Variants in KCTD18 observed in about 807,000 individuals in gnomAD.
KCTD18 encodes the protein potassium channel tetramerization domain containing 18.
In KCTD18, 22 loss-of-function variants were observed where a neutral mutation model predicts 30.4. The ratio of observed to expected loss-of-function variants is 0.72; its 90% CI spans 0.52 to 1.03. The LOEUF is 1.03. Among genes scored for constraint, KCTD18 ranks in the 50% least tolerant of loss-of-function variants. The pLI, the probability that KCTD18 is intolerant of heterozygous loss-of-function variation, is 0.00. For missense variants in KCTD18, 529 were observed against 547.6 expected, an observed-to-expected ratio of 0.97 and a Z score of 0.34; for synonymous variants, 186 against 209.0, an observed-to-expected ratio of 0.89 and a Z score of 0.95.
chr2:200,507,081 T>C lies in KCTD18; in HGVS notation c.-65A>G, dbSNP rs911337887. The C allele has an allele frequency of 5.9e-6, 8 of 1,363,268 alleles. No homozygotes were observed. In the African/African-American group the frequency reaches 1.0e-4, roughly 17 times the overall value. 84.4% of individuals were successfully genotyped at this position (1,363,268 alleles called of 1,614,324 possible). A position where few individuals can be genotyped will look rare whatever the true frequency, so the allele number is the denominator to read the frequency against. ...TCAGAAACTTCAAAACAATGATGTC[T>C]TGGTCTCCCTCTGTAAAACAAAGGA... On this transcript the variant is annotated 5_prime_UTR_variant, in exon 2 of 7. Coordinates refer to ENST00000359878, the MANE Select transcript of KCTD18 (RefSeq NM_152387.4).
At chr2:200,502,899 A>C (rs1368927520) in intron 3 of KCTD18, among the ~76,000 whole-genome samples, 1 of 152,044 alleles carries the variant, frequency 6.6e-6, no homozygotes, top group Non-Finnish European at 1.5e-5. Flanking sequence ...GCGTGGTGGC[A>C]CATGCCTGTA....
At position 200,489,117 on chromosome 2, in the gene KCTD18, G is replaced by A. The variant is rs2087866783; in HGVS notation, c.*983C>T. On this transcript the variant is annotated 3_prime_UTR_variant, in exon 7 of 7. Transcript: ENST00000359878. ...AACATAGTGAAGGCATACTCTCACT[G>A]AAAGTAGAAATATGTGATCCAATTA... 6.6e-6 allele frequency: 1 copy of A among 152,554 alleles called. No homozygotes were observed. Among genetic ancestry groups the A allele is most frequent in the African/African-American group, 2.4e-5 (1 of 41,422 alleles). 9.5% of individuals were successfully genotyped at this position (152,554 alleles called of 1,614,324 possible).
intron 2 of KCTD18, among the ~76,000 whole-genome samples, chr2:200,506,647 T>G (rs1337686209): frequency 6.6e-6 from 1 of 152,234 alleles, no homozygotes; most frequent in African/African-American, 2.4e-5. Context: ...TTATGAACTC[T>G]TACTTCTTTG....
chr2:200,491,257 G>A (rs2087911817), intron 6 of KCTD18, among the ~76,000 whole-genome samples: 1 of 152,148 alleles, frequency 6.6e-6, no homozygotes, highest in South Asian at 2.1e-4. Context: ...CTCACCGTGT[G>A]ACATATCTGC....
intron 5 of KCTD18, among the ~76,000 whole-genome samples, chr2:200,494,111 A>C (rs1301140499): frequency 6.6e-6 from 1 of 152,248 alleles, no homozygotes; most frequent in Non-Finnish European, 1.5e-5. Context: ...AACACCAAAC[A>C]CAATAGGTCA....
Position 200,503,490 on chromosome 2 carries a change from T to C in KCTD18, c.372+1258A>G, listed in dbSNP as rs959703862. Among the ~76,000 whole-genome samples, 4 of 152,316 alleles carry C rather than the reference T, an allele frequency of 2.6e-5. 1 individual carries two copies. Among genetic ancestry groups the C allele is most frequent in the African/African-American group, 9.6e-5 (4 of 41,566 alleles). On this transcript the variant is annotated intron_variant, in intron 3 of 6. Transcript: ENST00000359878. ...AACAAACATGTGTTGGCTGACAGCA[T>C]GAATGTGGGCATGCTGTGTCCTTTT...
At chr2:200,503,875 C>T (rs927255432) in intron 3 of KCTD18, among the ~76,000 whole-genome samples, 28 of 152,226 alleles carry the variant, frequency 1.8e-4, no homozygotes, top group African/African-American at 6.7e-4. Context: ...CTCAAAAGTG[C>T]TAATTAATAA....
intron 3 of KCTD18, 78 bp downstream of exon 3, chr2:200,504,670 A>G: frequency 1.0e-6 from 1 of 998,576 alleles, no homozygotes; most frequent in South Asian, 1.6e-5. Flanking sequence ...ATGTGAAAAC[A>G]CAGGCTATGC....
chr2:200,509,864 G>C lies in KCTD18; in HGVS notation c.-312C>G, dbSNP rs1001935269. ...GAGACCCCAAATCGGCCCGAAGCCC[G>C]AGCCTGCAGCCCGGGGCGCGCGCGT... On this transcript the variant is annotated 5_prime_UTR_variant, in exon 1 of 7. Transcript: ENST00000359878. 1 of 152,130 alleles carries C rather than the reference G, an allele frequency of 6.6e-6. No homozygotes were observed. Among genetic ancestry groups the C allele is most frequent in the African/African-American group, 2.4e-5 (1 of 41,450 alleles). 9.4% of individuals were successfully genotyped at this position (152,130 alleles called of 1,614,324 possible).
intron 5 of KCTD18, among the ~76,000 whole-genome samples, chr2:200,494,215 G>C (rs151013817): frequency 6.6e-6 from 1 of 152,362 alleles, no homozygotes; most frequent in African/African-American, 2.4e-5. Context: ...GTGGGAGACA[G>C]TGGAGTGGGG....
rs781718983 is a variant in KCTD18, at chr2:200,490,248, T to C, written c.1133A>G (p.Lys378Arg). The C allele has an allele frequency of 1.2e-6, 2 of 1,614,238 alleles. No homozygotes were observed. Among genetic ancestry groups the C allele is most frequent in the South Asian group, 1.1e-5 (1 of 91,090 alleles). ...GGCGCACAGCGGAGTCCTCTTCAGC[T>C]TTATCACCCGCTGGGGTGTAGGCTT... is the stretch of plus-strand genomic sequence containing the variant. The part of the protein sequence containing the change: ...DKKPTPQRVI[K>R]LKRTPLCATA... Residue 378 changes from lysine (K) to arginine (R), a missense_variant, in exon 7 of 7, where the codon AAG becomes AGG. Physicochemically the swap from Lys to Arg is conservative, Grantham distance 26. Coordinates refer to ENST00000359878, the MANE Select transcript of KCTD18 (RefSeq NM_152387.4).
intron 5 of KCTD18, chr2:200,496,680 G>A (rs2088002559): frequency 6.6e-6 from 1 of 152,156 alleles, no homozygotes; most frequent in Admixed American, 6.5e-5. Flanking sequence ...ATTTAGTAGA[G>A]ATGGGGTTTC....
chr2:200,492,830 GA>G (rs1232589706), intron 6 of KCTD18, among the ~76,000 whole-genome samples: 2 of 110,430 alleles, frequency 1.8e-5, no homozygotes, highest in Non-Finnish European at 4.5e-5. Context: ...AGTCTAAATA[GA>G]TTTTTTTTTT....
intron 6 of KCTD18, among the ~76,000 whole-genome samples, chr2:200,492,818 T>TA (rs1259650497): frequency 1.5e-5 from 2 of 132,952 alleles, no homozygotes; most frequent in Admixed American, 7.6e-5. Flanking sequence ...TTTCAAGTAT[T>TA]AAGTCTAAAT....
intron 2 of KCTD18, among the ~76,000 whole-genome samples, chr2:200,505,213 G>A (rs987188440): frequency 9.2e-5 from 14 of 152,150 alleles, no homozygotes; most frequent in Non-Finnish European, 1.5e-4. Context: ...TGAGATGTGT[G>A]GGACAATCAC....
chr2:200,491,215 G>T (rs1004422605), intron 6 of KCTD18, among the ~76,000 whole-genome samples: 1 of 152,036 alleles, frequency 6.6e-6, no homozygotes, highest in Non-Finnish European at 1.5e-5. Flanking sequence ...GTGGGAGCTG[G>T]CTGTTTAAAA....
At chr2:200,500,695 G>A (rs1451399157) in intron 3 of KCTD18, among the ~76,000 whole-genome samples, 3 of 151,324 alleles carry the variant, frequency 2.0e-5, no homozygotes, top group Non-Finnish European at 4.4e-5. Context: ...TTGTGAAAAT[G>A]GCCATACTGC....
chr2:200,504,858 G>C lies in KCTD18; in HGVS notation c.262C>G (p.Leu88Val). The change falls in exon 3 of 7, where the codon CTA becomes GTA. Residue 88 changes from leucine (L) to valine (V), a missense_variant. Transcript: ENST00000359878. ...CCAAAGTAATCAGCCTCTTCCTGTA[G>C]GGCGATGCGGGTTTGCTCATCTGTG... is the stretch of plus-strand genomic sequence containing the variant. ...IPTDEQTRIA[L>V]QEEADYFGIP... 1 of 1,614,178 alleles carries C rather than the reference G, an allele frequency of 6.2e-7. No homozygotes were observed. Among genetic ancestry groups the C allele is most frequent in the Non-Finnish European group, 8.5e-7 (1 of 1,180,004 alleles).
intron 3 of KCTD18, among the ~76,000 whole-genome samples, chr2:200,502,723 G>C (rs1229024415): frequency 6.6e-6 from 1 of 152,142 alleles, no homozygotes; most frequent in Non-Finnish European, 1.5e-5. Context: ...TAAGCCACCA[G>C]CACCCTGTGT....
Sources: gnomAD v4.1 joint callset for allele counts (sites outside exome capture counted in the v4.1 genomes callset) on GRCh38, gnomAD v4.1.1 for gene constraint, MANE v1.5 for transcripts, NCBI Gene and HGNC (gene_info 2026-07-23, HGNC 2026-07-21) for gene names.